Variants in EPS15 observed in about 807,000 individuals in gnomAD.
The protein encoded by EPS15 is epidermal growth factor receptor pathway substrate 15.
In EPS15, 72 loss-of-function variants were observed where a neutral mutation model predicts 113.8. The ratio of observed to expected loss-of-function variants is 0.63; its 90% CI spans 0.52 to 0.77. EPS15 has a LOEUF of 0.77. Ranked by LOEUF, EPS15 falls within the 30% of genes least tolerant of loss-of-function variation. The pLI, the probability that EPS15 is intolerant of heterozygous loss-of-function variation, is 0.00. For missense variants in EPS15, 1,048 were observed against 1,045.8 expected, an observed-to-expected ratio of 1.00 and a Z score of -0.03; for synonymous variants, 344 against 363.4, an observed-to-expected ratio of 0.95 and a Z score of 0.61.
chr1:51,486,226 T>C (rs1339655806), intron 1 of EPS15, among the ~76,000 whole-genome samples: 2 of 149,526 alleles, frequency 1.3e-5, no homozygotes, highest in African/African-American at 4.9e-5. Context: ...GAGACCAGCC[T>C]GGCCAATATG....
chr1:51,371,027 T>A (rs1646636315), intron 21 of EPS15, among the ~76,000 whole-genome samples: 1 of 152,146 alleles, frequency 6.6e-6, no homozygotes, highest in South Asian at 2.1e-4. Context: ...GCGATTCTTG[T>A]GCCTCAGCCT....
At position 51,391,122 on chromosome 1, in the gene EPS15, T is replaced by C. The variant is rs1267662650; in HGVS notation, c.2119+3259A>G. 5.9e-5 allele frequency among the ~76,000 whole-genome samples: 9 copies of C among 152,308 alleles called. No homozygotes were observed. In the East Asian group the frequency reaches 1.3e-3, roughly 23 times the overall value. On this transcript the variant is annotated intron_variant, in intron 21 of 24. Transcript: ENST00000371733. ...AATGTGGCACATATACACCATGGAA[T>C]ACTATGGAGCCATAAAAAATGATGA... is the stretch of plus-strand genomic sequence containing the variant.
intron 1 of EPS15, among the ~76,000 whole-genome samples, chr1:51,484,767 T>G (rs1644089890): frequency 6.6e-6 from 1 of 152,222 alleles, no homozygotes; most frequent in Non-Finnish European, 1.5e-5. Flanking sequence ...TTGACACTGG[T>G]GCTCCTGTTG....
chr1:51,411,173 AATAATTGCTTTTT>A (rs1412203670), intron 13 of EPS15, among the ~76,000 whole-genome samples: 6 of 152,236 alleles, frequency 3.9e-5, no homozygotes, highest in Non-Finnish European at 8.8e-5. Flanking sequence ...CAATGCTTTC[AATAATTGCTTTTT>A]ATCTTATATT....
At chr1:51,457,440 G>A (rs184476367) in intron 8 of EPS15, 2 of 151,572 alleles carry the variant, frequency 1.3e-5, no homozygotes, top group Non-Finnish European at 2.9e-5. Flanking sequence ...GGGGCACAAG[G>A]TGCGAATCCC....
At chr1:51,381,386 A>T (rs565719922) in intron 21 of EPS15, among the ~76,000 whole-genome samples, 4 of 152,292 alleles carry the variant, frequency 2.6e-5, no homozygotes, top group African/African-American at 9.6e-5. Flanking sequence ...TGAGATCAGG[A>T]GTTCGAGACC....
chr1:51,408,622 T>C (rs534460400), intron 14 of EPS15, among the ~76,000 whole-genome samples: 1 of 151,776 alleles, frequency 6.6e-6, no homozygotes, highest in South Asian at 2.1e-4. Flanking sequence ...GTTGTTGTTG[T>C]TGATGTTTTA....
At chr1:51,405,834 A>AT in intron 16 of EPS15, 71 bp downstream of exon 16, 1 of 1,257,250 alleles carries the variant, frequency 8.0e-7, no homozygotes, top group Non-Finnish European at 1.2e-6. Flanking sequence ...TTTATATTAG[A>AT]TATAATGTCA....
chr1:51,509,187 A>G (rs1281178015), intron 1 of EPS15, among the ~76,000 whole-genome samples: 1 of 152,182 alleles, frequency 6.6e-6, no homozygotes, highest in East Asian at 1.9e-4. Flanking sequence ...CATCTAGTAA[A>G]TGTTTTCTGA....
At chr1:51,483,087 T>A (rs1644050995) in intron 1 of EPS15, among the ~76,000 whole-genome samples, 1 of 152,318 alleles carries the variant, frequency 6.6e-6, no homozygotes, top group African/African-American at 2.4e-5. Flanking sequence ...TGAAATCTCA[T>A]GCCATCCCAC....
intron 6 of EPS15, among the ~76,000 whole-genome samples, chr1:51,464,470 G>A (rs2148503751): frequency 6.6e-6 from 1 of 152,116 alleles, no homozygotes; most frequent in Admixed American, 6.5e-5. Flanking sequence ...TCGAACTCCT[G>A]ACCTCATGAT....
At position 51,457,403 on chromosome 1, in the gene EPS15, G is replaced by A. The variant is rs192609244; in HGVS notation, c.561+3688C>T. 1.1e-3 allele frequency: 162 copies of A among 151,874 alleles called. 1 individual carries two copies. The highest frequency in any genetic ancestry group is 3.9e-3 in the African/African-American group (160 of 41,438). 9.4% of individuals were successfully genotyped at this position (151,874 alleles called of 1,614,324 possible). A position where few individuals can be genotyped will look rare whatever the true frequency, so the allele number is the denominator to read the frequency against. ...GGTTGAAAATCTTGTTTTCAACATA[G>A]GAGAAATAAGTACTAGTACAGGAAA... On this transcript the variant is annotated intron_variant, in intron 8 of 24. Transcript: ENST00000371733.
At chr1:51,442,120 TATC>T (rs1652642649) in intron 11 of EPS15, among the ~76,000 whole-genome samples, 1 of 152,144 alleles carries the variant, frequency 6.6e-6, no homozygotes, top group African/African-American at 2.4e-5. Context: ...CACAAAAACT[TATC>T]AGTGTTAAAT....
intron 12 of EPS15, among the ~76,000 whole-genome samples, chr1:51,436,221 G>T (rs1652141476): frequency 6.6e-6 from 1 of 152,162 alleles, no homozygotes; most frequent in South Asian, 2.1e-4. Context: ...TTTACACCAT[G>T]TTCAAAGAAG....
intron 20 of EPS15, among the ~76,000 whole-genome samples, chr1:51,398,032 T>G (rs940389181): frequency 6.6e-6 from 1 of 152,136 alleles, no homozygotes; most frequent in Admixed American, 6.5e-5. Flanking sequence ...TTTGAGTATT[T>G]CTAAATATCC....
Position 51,473,759 on chromosome 1 carries a change from ATTAAG to A in EPS15, c.76-816_76-812del, listed in dbSNP as rs375816684. On this transcript the variant is annotated intron_variant, in intron 2 of 24. Transcript: ENST00000371733. Reference sequence around the variant, plus strand: ...TCTGTTTTTCCAGTTTAGTTAAAAGATTAAGTTTACTGTAAACATATACTGTACAA... The same window carrying A: ...TCTGTTTTTCCAGTTTAGTTAAAAGATTTACTGTAAACATATACTGTACAA... 2.1e-4 allele frequency among the ~76,000 whole-genome samples: 32 copies of A among 152,312 alleles called. 1 individual carries two copies. The East Asian group carries it at 5.8e-3, about 28-fold the overall frequency.
chr1:51,456,075 A>T (rs1200647788), intron 8 of EPS15, among the ~76,000 whole-genome samples: 3 of 152,326 alleles, frequency 2.0e-5, no homozygotes, highest in African/African-American at 7.2e-5. Flanking sequence ...AAAGGTTCAC[A>T]TGGCAACAGA....
In EPS15 at chr1:51,402,505, G is replaced by A. The variant is rs753722842; in HGVS notation, c.1812C>T (p.Asp604=). The A allele has an allele frequency of 9.6e-6, 15 of 1,568,326 alleles. No individual in the cohort carries two copies. The Admixed American group carries it at 2.2e-4, about 23-fold the overall frequency. Residue 604 remains aspartate, a synonymous_variant, in exon 18 of 25, where the codon GAC becomes GAT. Transcript: ENST00000371733. ...CAACTGGACCTGTCAGCGAACTTGA[G>A]TCTACATTAAATGGATCTTCCTAAA... ...HSKEEDPFNV[D]SSSLTGPVAD... is the part of the protein sequence containing the mutation.
At chr1:51,492,221 TTAAAA>T (rs879851141) in intron 1 of EPS15, among the ~76,000 whole-genome samples, 3 of 152,032 alleles carry the variant, frequency 2.0e-5, no homozygotes, top group Non-Finnish European at 2.9e-5. Flanking sequence ...GTGTCTGGAG[TTAAAA>T]TAATCAGATA....
Sources: gnomAD v4.1 joint callset for allele counts (sites outside exome capture counted in the v4.1 genomes callset) on GRCh38, gnomAD v4.1.1 for gene constraint, MANE v1.5 for transcripts, NCBI Gene and HGNC (gene_info 2026-07-23, HGNC 2026-07-21) for gene names.